Variants in DGKB observed in about 807,000 individuals in gnomAD.
DGKB encodes diacylglycerol kinase beta, also known as 90 kDa diacylglycerol kinase.
Under a neutral mutation model 114.3 loss-of-function variants are expected in DGKB, and 67 were observed. The ratio of observed to expected loss-of-function variants is 0.59; its 90% CI spans 0.48 to 0.72. The LOEUF (loss-of-function observed/expected upper bound fraction) is 0.72. Ranked by LOEUF, DGKB falls within the 30% of genes least tolerant of loss-of-function variation. The probability of loss-of-function intolerance (pLI) is 0.00; values close to 1 mark genes in which losing one functional copy is unlikely to be tolerated. For synonymous variants in DGKB, 398 were observed against 323.1 expected (o/e 1.23, Z -2.49); for missense variants, 907 against 975.2 (o/e 0.93, Z 0.93).
chr7:14,601,207 T>G (rs931978273), intron 17 of DGKB, among the ~76,000 whole-genome samples: 1 of 152,066 alleles, frequency 6.6e-6, no homozygotes, highest in African/African-American at 2.4e-5. Flanking sequence ...ACAGATGGAG[T>G]GGCCCAGGAG....
At chr7:14,381,473 G>A (rs116212824) in intron 21 of DGKB, among the ~76,000 whole-genome samples, 306 of 152,284 alleles carry the variant, frequency 2.0e-3, no homozygotes, top group African/African-American at 6.9e-3. Flanking sequence ...AATAATGTGT[G>A]TACATATTTT....
intron 21 of DGKB, among the ~76,000 whole-genome samples, chr7:14,358,781 C>T (rs530202768): frequency 1.8e-4 from 28 of 152,162 alleles, no homozygotes; most frequent in Non-Finnish European, 2.6e-4. Context: ...AACTACAAAC[C>T]GCTGTTCAAT....
At chr7:14,578,722 G>T (rs1799519609) in intron 19 of DGKB, among the ~76,000 whole-genome samples, 1 of 152,184 alleles carries the variant, frequency 6.6e-6, no homozygotes, top group Admixed American at 6.5e-5. Flanking sequence ...GAGAACTATA[G>T]TTCTGCATGT....
intron 5 of DGKB, among the ~76,000 whole-genome samples, chr7:14,722,713 G>A (rs936973607): frequency 1.3e-5 from 2 of 150,462 alleles, no homozygotes; most frequent in Admixed American, 1.3e-4. Flanking sequence ...TTGGGAGGTT[G>A]AGGCAGGAGA....
chr7:14,211,339 T>TTTACTCTCATGTTTTGTGATA (rs1787801938), intron 23 of DGKB, among the ~76,000 whole-genome samples: 1 of 52,232 alleles, frequency 1.9e-5, no homozygotes, highest in Non-Finnish European at 3.3e-5. Flanking sequence ...TGTTTTGTGA[T>TTTACTCTCATGTTTTGTGATA]TTTACTCTCA....
intron 21 of DGKB, among the ~76,000 whole-genome samples, chr7:14,420,951 C>T (rs1015010991): frequency 6.6e-5 from 10 of 152,068 alleles, no homozygotes; most frequent in Admixed American, 6.6e-4. Flanking sequence ...CCACAACCCC[C>T]ACCCCCTTCC....
intron 1 of DGKB, among the ~76,000 whole-genome samples, chr7:14,910,248 A>AAGAAAGAAAGAG (rs1181459280): frequency 2.9e-3 from 29 of 9,844 alleles, no homozygotes; most frequent in African/African-American, 0.017. Context: ...CAAAAAAAGA[A>AAGAAAGAAAGAG]AGAAAGAAAG....
intron 20 of DGKB, among the ~76,000 whole-genome samples, chr7:14,567,969 T>C (rs540584650): frequency 6.6e-6 from 1 of 152,046 alleles, no homozygotes; most frequent in African/African-American, 2.4e-5. Flanking sequence ...AAGTGCTTAG[T>C]TTTTTTGTTT....
At chr7:14,661,591 T>A (rs1817090946) in intron 13 of DGKB, among the ~76,000 whole-genome samples, 1 of 151,966 alleles carries the variant, frequency 6.6e-6, no homozygotes, top group Admixed American at 6.6e-5. Flanking sequence ...ATAGGAACAC[T>A]TTTACACTGC....
intron 23 of DGKB, among the ~76,000 whole-genome samples, chr7:14,203,223 C>T (rs1436350399): frequency 6.7e-6 from 1 of 148,384 alleles, no homozygotes; most frequent in African/African-American, 2.5e-5. Flanking sequence ...CTAAGGTTTT[C>T]TATACCTAAG....
intron 5 of DGKB, among the ~76,000 whole-genome samples, chr7:14,726,936 G>T (rs907070982): frequency 1.3e-5 from 2 of 152,150 alleles, no homozygotes; most frequent in South Asian, 4.1e-4. Context: ...CATTCCAGGG[G>T]ATCAAAGCAA....
At chr7:14,179,014 A>G (rs1782235862) in intron 23 of DGKB, among the ~76,000 whole-genome samples, 1 of 152,230 alleles carries the variant, frequency 6.6e-6, no homozygotes, top group African/African-American at 2.4e-5. Flanking sequence ...TCACATACCT[A>G]GAAAGTGACA....
chr7:14,238,662 G>C lies in DGKB; in HGVS notation c.2123-60511C>G, dbSNP rs200134314. 1.4e-4 allele frequency among the ~76,000 whole-genome samples: 21 copies of C among 151,958 alleles called. No homozygotes were observed. The East Asian group carries it at 3.9e-3, about 28-fold the overall frequency. Reference sequence around the variant, plus strand: ...AGGGTTAAAGTTGTTGTCTTCTGTAGAGAGAAGAGAGGTGGACGTGAAGTT... The same window carrying C: ...AGGGTTAAAGTTGTTGTCTTCTGTACAGAGAAGAGAGGTGGACGTGAAGTT... On this transcript the variant is annotated intron_variant, in intron 23 of 25. Transcript: ENST00000402815.
intron 12 of DGKB, among the ~76,000 whole-genome samples, chr7:14,678,591 G>C (rs1820286977): frequency 6.6e-6 from 1 of 151,978 alleles, no homozygotes; most frequent in South Asian, 2.1e-4. Context: ...GATTTCTAAA[G>C]AACTAAAAAC....
At chr7:14,311,449 T>C (rs1258573418) in intron 23 of DGKB, among the ~76,000 whole-genome samples, 2 of 152,054 alleles carry the variant, frequency 1.3e-5, no homozygotes, top group Non-Finnish European at 2.9e-5. Context: ...TTAGACAAGG[T>C]TTCACTCTGT....
At position 14,251,547 on chromosome 7, in the gene DGKB, A is replaced by C. The variant is rs190112039; in HGVS notation, c.2123-73396T>G. Among the ~76,000 whole-genome samples the C allele has an allele frequency of 2.3e-3, 345 of 152,286 alleles. 2 individuals are homozygous for C. Among genetic ancestry groups the C allele is most frequent in the African/African-American group, 7.6e-3 (315 of 41,584 alleles). ...AAAATAATTTATATACTATCACTAC[A>C]GTATTAGAGTCTGCTGAATTTGATG... On this transcript the variant is annotated intron_variant, in intron 23 of 25. Coordinates refer to ENST00000402815, the MANE Select transcript of DGKB (RefSeq NM_001350709.2).
At chr7:14,782,026 ATTATT>A (rs1839175968) in intron 2 of DGKB, among the ~76,000 whole-genome samples, 1 of 152,054 alleles carries the variant, frequency 6.6e-6, no homozygotes, top group African/African-American at 2.4e-5. Flanking sequence ...AATTGATGGA[ATTATT>A]TTATTTCATT....
chr7:14,770,566 T>C (rs575688498), intron 2 of DGKB, among the ~76,000 whole-genome samples: 1 of 152,236 alleles, frequency 6.6e-6, no homozygotes, highest in East Asian at 1.9e-4. Flanking sequence ...TAACCATTCA[T>C]CAAAATTCCA....
intron 6 of DGKB, among the ~76,000 whole-genome samples, chr7:14,711,711 A>G (rs1164344850): frequency 6.6e-6 from 1 of 151,516 alleles, no homozygotes; most frequent in Admixed American, 6.6e-5. Flanking sequence ...TGGAAAATTA[A>G]CAGATTATCT....
Sources: gnomAD v4.1 joint callset for allele counts (sites outside exome capture counted in the v4.1 genomes callset) on GRCh38, gnomAD v4.1.1 for gene constraint, MANE v1.5 for transcripts, NCBI Gene and HGNC (gene_info 2026-07-23, HGNC 2026-07-21) for gene names.